The following ESRRB variants were observed in gnomAD, a reference collection of about 807,000 sequenced individuals.
The protein encoded by ESRRB is estrogen related receptor beta.
Under a neutral mutation model 46.0 loss-of-function variants are expected in ESRRB, and 16 were observed. The ratio of observed to expected loss-of-function variants is 0.35; its 90% CI spans 0.24 to 0.53. The LOEUF (loss-of-function observed/expected upper bound fraction) is 0.53, where lower values mean the gene tolerates loss of function less well. Among genes scored for constraint, ESRRB ranks in the 20% least tolerant of loss-of-function variants. The probability of loss-of-function intolerance (pLI) is 0.93; values close to 1 mark genes in which losing one functional copy is unlikely to be tolerated. For missense variants in ESRRB, 488 were observed against 607.4 expected (o/e 0.80, Z 2.07); for synonymous variants, 246 against 259.6 (o/e 0.95, Z 0.50).
intron 1 of ESRRB, among the ~76,000 whole-genome samples, chr14:76,342,711 T>G (rs1884205790): frequency 6.6e-6 from 1 of 152,226 alleles, no homozygotes; most frequent in African/African-American, 2.4e-5. Flanking sequence ...GCCACAGGGT[T>G]GTTGGATGTT....
intron 1 of ESRRB, among the ~76,000 whole-genome samples, chr14:76,390,333 A>C (rs1303423063): frequency 6.6e-6 from 1 of 152,178 alleles, no homozygotes; most frequent in African/African-American, 2.4e-5. Context: ...TATTAAAAAT[A>C]CAAAAATCAG....
chr14:76,441,322 G>T (rs753407094), intron 2 of ESRRB, among the ~76,000 whole-genome samples: 3 of 152,174 alleles, frequency 2.0e-5, no homozygotes, highest in Admixed American at 1.3e-4. Flanking sequence ...GACAAAAGGC[G>T]TGCAAGAACC....
chr14:76,416,442 AT>A (rs965380731), intron 1 of ESRRB, among the ~76,000 whole-genome samples: 45 of 151,270 alleles, frequency 3.0e-4, no homozygotes, highest in African/African-American at 6.8e-4. Context: ...TACTTATAGC[AT>A]TTTTTCCCCC....
intron 1 of ESRRB, among the ~76,000 whole-genome samples, chr14:76,388,676 G>C (rs114939145): frequency 6.6e-6 from 1 of 152,066 alleles, no homozygotes; most frequent in African/African-American, 2.4e-5. Context: ...CCTTGTCCTC[G>C]GCACAGGAGA....
chr14:76,370,779 G>A (rs1411111551), upstream of ESRRB, among the ~76,000 whole-genome samples: 1 of 152,174 alleles, frequency 6.6e-6, no homozygotes, highest in Non-Finnish European at 1.5e-5. Context: ...TTTCTATGGA[G>A]AGACAAATCT....
At chr14:76,424,898 G>A (rs143159109) in intron 1 of ESRRB, among the ~76,000 whole-genome samples, 1,687 of 152,080 alleles carry the variant, frequency 0.011, 18 homozygotes, top group African/African-American at 0.022. Context: ...CACCACGCCC[G>A]GCTAATTTTT....
chr14:76,465,751 G>A (rs917731526), intron 3 of ESRRB, among the ~76,000 whole-genome samples: 5 of 152,252 alleles, frequency 3.3e-5, no homozygotes, highest in Admixed American at 2.6e-4. Context: ...GCCTGAAGGA[G>A]GAAGGGACAG....
chr14:76,409,788 G>A (rs1024130226), intron 1 of ESRRB, among the ~76,000 whole-genome samples: 2 of 152,096 alleles, frequency 1.3e-5, no homozygotes, highest in Non-Finnish European at 2.9e-5. Context: ...TGGGGGATGG[G>A]GATGGGAGAT....
rs34925535 is a variant in ESRRB, at chr14:76,379,860, C to CAAA, written c.50+3424_50+3426dup. On this transcript the variant is annotated intron_variant, in intron 1 of 6. Coordinates refer to ENST00000644823, the MANE Select transcript of ESRRB (RefSeq NM_001379180.1). ...GAGGACATATGAAAAAGATCTGTTC[C>CAAA]AAAAAAAAAAAAAAAAAGCACAGAG... 1.1e-3 allele frequency among the ~76,000 whole-genome samples: 143 copies of CAAA among 127,034 alleles called. 4 individuals carry two copies. Among genetic ancestry groups the CAAA allele is most frequent in the East Asian group, 2.9e-3 (13 of 4,428 alleles). 83.3% of individuals were successfully genotyped at this position (127,034 alleles called of 152,430 possible).
intron 1 of ESRRB, among the ~76,000 whole-genome samples, chr14:76,332,819 TTTATATATTTATATA>T (rs1270297330): frequency 4.5e-4 from 12 of 26,462 alleles, no homozygotes; most frequent in East Asian, 2.6e-3. Context: ...ATATTATATA[TTTATATATTTATATA>T]TTATATATTT....
chr14:76,467,886 A>C (rs1179335430), intron 3 of ESRRB, among the ~76,000 whole-genome samples: 1 of 151,392 alleles, frequency 6.6e-6, no homozygotes, highest in Non-Finnish European at 1.5e-5. Context: ...CACCTCCCTC[A>C]CGCGACCGGC....
At chr14:76,375,603 C>A (rs982302298), upstream of ESRRB, among the ~76,000 whole-genome samples, 1 of 152,232 alleles carries the variant, frequency 6.6e-6, no homozygotes, top group Non-Finnish European at 1.5e-5. Context: ...GTGATGAGAA[C>A]TGGGAAGGGA....
intron 2 of ESRRB, among the ~76,000 whole-genome samples, chr14:76,451,626 A>T (rs1291207350): frequency 6.6e-6 from 1 of 151,794 alleles, no homozygotes; most frequent in Non-Finnish European, 1.5e-5. Context: ...TTTTATTTTT[A>T]TTTTATTTAT....
At chr14:76,375,764 A>G (rs1884737631), upstream of ESRRB, among the ~76,000 whole-genome samples, 1 of 152,208 alleles carries the variant, frequency 6.6e-6, no homozygotes, top group Admixed American at 6.5e-5. Flanking sequence ...AAACAGATCC[A>G]TTCCAGAAAG....
intron 1 of ESRRB, among the ~76,000 whole-genome samples, chr14:76,422,798 G>A (rs1887025796): frequency 1.3e-5 from 2 of 152,262 alleles, no homozygotes; most frequent in East Asian, 1.9e-4. Flanking sequence ...GTGACAGGCC[G>A]GGATTCCGAC....
Position 76,482,847 on chromosome 14 carries a change from C to A in ESRRB, c.850+88C>A. On this transcript the variant is annotated intron_variant, in intron 5 of 6. Coordinates refer to ENST00000644823, the MANE Select transcript of ESRRB (RefSeq NM_001379180.1). This position sits in a 1 kb window ranked among gnomAD's most constrained non-coding sequence, Gnocchi z 4.3. ...ACCCAATGGCTGTGCTTCTGATGCC[C>A]GGATCCTGGACCCCAGAAGGCCTGT... 6.6e-7 allele frequency: 1 copy of A among 1,515,258 alleles called. No homozygotes were observed. The highest frequency in any genetic ancestry group is 9.1e-7 in the Non-Finnish European group (1 of 1,099,184). 93.9% of individuals were successfully genotyped at this position (1,515,258 alleles called of 1,614,324 possible).
intron 2 of ESRRB, among the ~76,000 whole-genome samples, chr14:76,459,542 T>C (rs1404293732): frequency 7.4e-6 from 1 of 134,858 alleles, no homozygotes; most frequent in African/African-American, 2.8e-5. Flanking sequence ...ATCAGCACGC[T>C]GAGGCTGCAG....
intron 1 of ESRRB, among the ~76,000 whole-genome samples, chr14:76,353,035 C>T (rs969152950): frequency 1.3e-5 from 2 of 152,252 alleles, no homozygotes; most frequent in Admixed American, 6.5e-5. Context: ...CCCGTGGCCA[C>T]GGACCTTTGC....
chr14:76,432,865 G>A (rs1887515638), intron 1 of ESRRB, among the ~76,000 whole-genome samples: 2 of 151,738 alleles, frequency 1.3e-5, no homozygotes, highest in African/African-American at 2.4e-5. Context: ...AGTAGAGATG[G>A]GTTTTTGCCA....
Sources: allele counts gnomAD v4.1 joint callset (sites outside exome capture counted in the v4.1 genomes callset), GRCh38; gene constraint gnomAD v4.1.1; non-coding constraint Gnocchi (gnomAD v3.1); transcripts MANE v1.5; gene names NCBI Gene and HGNC (gene_info 2026-07-23, HGNC 2026-07-21).